Variants in KIAA0232 observed in about 807,000 individuals in gnomAD.
KIAA0232 encodes uncharacterized protein KIAA0232.
Under a neutral mutation model 122.0 loss-of-function variants are expected in KIAA0232, and 27 were observed. That is an observed-to-expected ratio of 0.22 (90% CI 0.16 to 0.31). The LOEUF is 0.31. Ranked by LOEUF, KIAA0232 falls within the 10% of genes least tolerant of loss-of-function variation. The pLI, the probability that KIAA0232 is intolerant of heterozygous loss-of-function variation, is 1.00. For synonymous variants in KIAA0232, 613 were observed against 587.6 expected (o/e 1.04, Z -0.63); for missense variants, 1,551 against 1,634.2 (o/e 0.95, Z 0.88).
chr4:6,831,091 T>A (rs546403987), intron 3 of KIAA0232, among the ~76,000 whole-genome samples: 2 of 152,304 alleles, frequency 1.3e-5, no homozygotes, highest in South Asian at 4.1e-4. Flanking sequence ...AGTCTCGCCC[T>A]GTCGCCCAGG....
intron 6 of KIAA0232, among the ~76,000 whole-genome samples, chr4:6,859,687 T>C (rs1720756478): frequency 6.6e-6 from 1 of 152,214 alleles, no homozygotes. Flanking sequence ...TGACATAGAC[T>C]GAGAAAGAGA....
chr4:6,873,477 G>A (rs907445138), intron 8 of KIAA0232, among the ~76,000 whole-genome samples: 1 of 152,222 alleles, frequency 6.6e-6, no homozygotes, highest in African/African-American at 2.4e-5. Context: ...GACCTCTCAG[G>A]AAGAGCTAGG....
intron 1 of KIAA0232, among the ~76,000 whole-genome samples, chr4:6,792,068 T>G (rs1395721990): frequency 1.3e-5 from 2 of 152,238 alleles, no homozygotes; most frequent in African/African-American, 4.8e-5. Context: ...GCCATGATTG[T>G]GAGGCCTCTG....
chr4:6,824,808 G>A, intron 3 of KIAA0232, 124 bp downstream of exon 3: 1 of 779,430 alleles, frequency 1.3e-6, no homozygotes, highest in Admixed American at 2.3e-5. Flanking sequence ...CATTTAACCT[G>A]TCAGTGACCA....
chr4:6,841,254 T>C (rs747588363), intron 3 of KIAA0232, among the ~76,000 whole-genome samples: 9 of 152,252 alleles, frequency 5.9e-5, no homozygotes, highest in Non-Finnish European at 1.0e-4. Context: ...TTGTCCAGGC[T>C]CAAACTGCTC....
At chr4:6,818,399 CAAAAA>C (rs34255308) in intron 2 of KIAA0232, among the ~76,000 whole-genome samples, 2 of 81,922 alleles carry the variant, frequency 2.4e-5, no homozygotes, top group Non-Finnish European at 4.6e-5. Flanking sequence ...GACTCCGTCT[CAAAAA>C]AAAAAAAAAA....
At position 6,880,923 on chromosome 4, in the gene KIAA0232, T is replaced by A; in HGVS notation, c.4145T>A (p.Val1382Glu). The A allele has an allele frequency of 6.3e-7, 1 of 1,597,082 alleles. No homozygotes were observed. Among genetic ancestry groups the A allele is most frequent in the Non-Finnish European group, 8.5e-7 (1 of 1,170,718 alleles). Residue 1382 changes from valine to glutamate, a missense_variant, in exon 10 of 10, where the codon GTG (valine) becomes GAG (glutamate). Transcript: ENST00000307659. ...GGCTCAGAAGGCGGAGGCGAGTGGG[T>A]GGGCCCTAGTGAAGAGGAGCTCTTT... Reference protein sequence around the residue: ...ETGSEGGGEWVGPSEEELFSR... With the variant: ...ETGSEGGGEWEGPSEEELFSR...
chr4:6,810,207 AT>A (rs1717814805), intron 2 of KIAA0232, among the ~76,000 whole-genome samples: 1 of 152,236 alleles, frequency 6.6e-6, no homozygotes, highest in South Asian at 2.1e-4. Flanking sequence ...CCGAAACAGC[AT>A]GGTACTGGTG....
rs1720916050 is a variant in KIAA0232 at position 6,862,251 on chromosome 4, C to T, written c.1869C>T (p.Leu623=). 3 of 1,614,002 alleles carry T rather than the reference C, an allele frequency of 1.9e-6. No homozygotes were observed. The highest frequency in any genetic ancestry group is 2.2e-5 in the South Asian group (2 of 91,080). ...CTCCCATCTTAGACAGCACAGTGCT[C>T]AATTCACACCTGCTTGCTGGCAATC... ...RLSPILDSTV[L]NSHLLAGNQE... Residue 623 remains leucine, a synonymous_variant, in exon 7 of 10, where the codon CTC becomes CTT. Coordinates refer to ENST00000307659, the MANE Select transcript of KIAA0232 (RefSeq NM_014743.3).
intron 1 of KIAA0232, among the ~76,000 whole-genome samples, chr4:6,798,305 A>G (rs1577356633): frequency 6.6e-6 from 1 of 152,170 alleles, no homozygotes; most frequent in Admixed American, 6.5e-5. Context: ...AGGTGCTCAG[A>G]TGTTGATTAA....
At chr4:6,789,663 G>C (rs1716801249) in intron 1 of KIAA0232, among the ~76,000 whole-genome samples, 1 of 152,170 alleles carries the variant, frequency 6.6e-6, no homozygotes, top group Admixed American at 6.6e-5. Context: ...TCATGATGGT[G>C]GTCCTAAATT....
chr4:6,787,180 A>ATC, intron 1 of KIAA0232, among the ~76,000 whole-genome samples: 1 of 93,304 alleles, frequency 1.1e-5, no homozygotes, highest in Admixed American at 1.0e-4. Context: ...GCTCTCTCAA[A>ATC]AAAAAAAAAA....
chr4:6,814,150 G>A (rs1577367057), intron 2 of KIAA0232, among the ~76,000 whole-genome samples: 1 of 152,260 alleles, frequency 6.6e-6, no homozygotes, highest in East Asian at 1.9e-4. Flanking sequence ...TAAATGTATG[G>A]AGATTGCTCT....
intron 7 of KIAA0232, 68 bp downstream of exon 7, chr4:6,864,251 C>T (rs184493047): frequency 2.1e-4 from 302 of 1,472,718 alleles, no homozygotes; most frequent in Non-Finnish European, 2.6e-4. Flanking sequence ...ACAGACATGC[C>T]AGTCAATGAA....
At chr4:6,866,457 G>A (rs892786907) in intron 7 of KIAA0232, among the ~76,000 whole-genome samples, 3 of 152,198 alleles carry the variant, frequency 2.0e-5, no homozygotes, top group Admixed American at 6.5e-5. Context: ...AGATGTGCAG[G>A]AGGCTGAGTG....
intron 2 of KIAA0232, among the ~76,000 whole-genome samples, chr4:6,813,150 A>G (rs543045588): frequency 1.2e-4 from 19 of 152,160 alleles, no homozygotes; most frequent in Non-Finnish European, 2.2e-4. Flanking sequence ...CATATAGAAT[A>G]TAAAAAGATA....
chr4:6,796,037 G>A (rs1717119996), intron 1 of KIAA0232, among the ~76,000 whole-genome samples: 1 of 152,234 alleles, frequency 6.6e-6, no homozygotes, highest in African/African-American at 2.4e-5. Context: ...CAGCGAGGGT[G>A]TGGACTGGGT....
At chr4:6,846,251 A>G (rs1257300730) in intron 4 of KIAA0232, among the ~76,000 whole-genome samples, 1 of 152,176 alleles carries the variant, frequency 6.6e-6, no homozygotes, top group Non-Finnish European at 1.5e-5. Flanking sequence ...TTCAAGTCCC[A>G]GTCCCTGCTC....
chr4:6,836,827 T>G (rs929942856), intron 3 of KIAA0232, among the ~76,000 whole-genome samples: 8 of 151,932 alleles, frequency 5.3e-5, no homozygotes, highest in East Asian at 1.9e-4. Flanking sequence ...TAACCCTTAG[T>G]GGACACAGCA....
Sources: gnomAD v4.1 joint callset for allele counts (sites outside exome capture counted in the v4.1 genomes callset) on GRCh38, gnomAD v4.1.1 for gene constraint, MANE v1.5 for transcripts, NCBI Gene and HGNC (gene_info 2026-07-23, HGNC 2026-07-21) for gene names.